Variants in AGBL1 observed in about 807,000 individuals in gnomAD.
AGBL1 encodes AGBL carboxypeptidase 1.
AGBL1 carries 130 observed loss-of-function variants against 118.9 expected under a neutral mutation model. The observed-to-expected ratio is 1.09, with a 90% CI of 0.95 to 1.26. AGBL1 has a LOEUF of 1.26. Among genes scored for constraint, AGBL1 ranks in the 50% most tolerant of loss-of-function variants. The probability of loss-of-function intolerance (pLI) is 0.00; values close to 1 mark genes in which losing one functional copy is unlikely to be tolerated. For missense variants in AGBL1, 1,584 were observed against 1,298.1 expected (o/e 1.22, Z -3.38); for synonymous variants, 555 against 478.9 (o/e 1.16, Z -2.08).
chr15:86,500,986 A>T (rs1356745340), intron 18 of AGBL1, among the ~76,000 whole-genome samples: 2 of 151,718 alleles, frequency 1.3e-5, no homozygotes, highest in Admixed American at 1.3e-4. Context: ...ATGTGGACAT[A>T]TATTTTTAGT....
At chr15:86,326,032 T>A (rs901063401) in intron 17 of AGBL1, among the ~76,000 whole-genome samples, 1 of 152,186 alleles carries the variant, frequency 6.6e-6, no homozygotes, top group Non-Finnish European at 1.5e-5. Context: ...AGACAATAAA[T>A]AACTTTTTTA....
chr15:86,657,668 T>C (rs1208232640), intron 21 of AGBL1, among the ~76,000 whole-genome samples: 2 of 152,192 alleles, frequency 1.3e-5, no homozygotes, highest in African/African-American at 2.4e-5. Context: ...GTGTCCTCTA[T>C]GGATAATCAC....
intron 1 of AGBL1, among the ~76,000 whole-genome samples, chr15:86,123,692 A>G (rs753665020): frequency 2.0e-5 from 3 of 152,162 alleles, no homozygotes; most frequent in Non-Finnish European, 4.4e-5. Flanking sequence ...TCTGGACCAA[A>G]CCAATGTATA....
intron 22 of AGBL1, among the ~76,000 whole-genome samples, chr15:86,761,805 CTT>C (rs940065323): frequency 1.3e-5 from 2 of 151,930 alleles, no homozygotes; most frequent in African/African-American, 4.8e-5. Flanking sequence ...CTGATGATAG[CTT>C]TTTTTGCTGT....
At chr15:86,991,613 A>T (rs564949077) in intron 24 of AGBL1, among the ~76,000 whole-genome samples, 16 of 152,286 alleles carry the variant, frequency 1.1e-4, no homozygotes, top group Admixed American at 8.5e-4. Context: ...CTGAGGGACC[A>T]TGGAGGGCTC....
At chr15:86,677,472 T>G (rs1192258633) in intron 22 of AGBL1, among the ~76,000 whole-genome samples, 2 of 152,184 alleles carry the variant, frequency 1.3e-5, no homozygotes, top group African/African-American at 4.8e-5. Flanking sequence ...CTAAGCTGCT[T>G]CTTCAGGAGG....
At chr15:86,691,403 T>A (rs1204064159) in intron 22 of AGBL1, among the ~76,000 whole-genome samples, 1 of 152,172 alleles carries the variant, frequency 6.6e-6, no homozygotes, top group African/African-American at 2.4e-5. Flanking sequence ...AATTAGTGAA[T>A]CATTTTACAT....
intron 24 of AGBL1, among the ~76,000 whole-genome samples, chr15:86,995,705 G>C (rs1345150282): frequency 6.6e-6 from 1 of 152,184 alleles, no homozygotes; most frequent in East Asian, 1.9e-4. Context: ...GCTACATTAA[G>C]ATTTTAGTTT....
At chr15:86,840,228 A>G (rs891518691) in intron 22 of AGBL1, among the ~76,000 whole-genome samples, 2 of 152,152 alleles carry the variant, frequency 1.3e-5, no homozygotes, top group African/African-American at 4.8e-5. Flanking sequence ...CTCTCTCTTA[A>G]CACTTTAACT....
At chr15:86,216,673 C>A (rs1421643679) in intron 5 of AGBL1, among the ~76,000 whole-genome samples, 1 of 152,140 alleles carries the variant, frequency 6.6e-6, no homozygotes, top group African/African-American at 2.4e-5. Context: ...CTCCACATGG[C>A]TTTCTACTGG....
At chr15:86,748,932 G>A (rs1265799076) in intron 22 of AGBL1, among the ~76,000 whole-genome samples, 2 of 152,224 alleles carry the variant, frequency 1.3e-5, no homozygotes, top group Non-Finnish European at 2.9e-5. Context: ...ATAGTTTGAA[G>A]TCAGGTAGCA....
intron 18 of AGBL1, among the ~76,000 whole-genome samples, chr15:86,493,267 C>G (rs573157630): frequency 6.6e-6 from 1 of 151,974 alleles, no homozygotes; most frequent in African/African-American, 2.4e-5. Context: ...ACACGGTGAT[C>G]ACGTGTTTTA....
At chr15:86,880,997 C>G (rs1454944984) in intron 22 of AGBL1, among the ~76,000 whole-genome samples, 1 of 152,090 alleles carries the variant, frequency 6.6e-6, no homozygotes, top group Non-Finnish European at 1.5e-5. Flanking sequence ...GAGCCTGCCT[C>G]CTGGTAAGTG....
At position 86,381,778 on chromosome 15, in the gene AGBL1, C is replaced by T. The variant is rs546815071; in HGVS notation, c.2375-15588C>T. 7.2e-5 allele frequency among the ~76,000 whole-genome samples: 11 copies of T among 152,188 alleles called. No individual in the cohort carries two copies. In the South Asian group the frequency reaches 2.3e-3, roughly 32 times the overall value. On this transcript the variant is annotated intron_variant, in intron 17 of 22. Transcript: ENST00000614907. The stretch of plus-strand genomic sequence containing the variant: ...CAGAAGGAGGGGCCTGTGCAAAGAT[C>T]AGGAGCAGAACAGAGCATATTGAAC...
rs756603726 is a variant in AGBL1, at chr15:86,987,941, G to C, written c.3222-46G>C. 3.8e-6 allele frequency: 6 copies of C among 1,580,418 alleles called. No homozygotes were observed. The South Asian group carries it at 7.0e-5, about 19-fold the overall frequency. On this transcript the variant is annotated intron_variant, in intron 23 of 24. Transcript: ENST00000441037. ...ATCTATAATAATATGTGACACTATG[G>C]TTTATTTTCACCAATCTGTACCACT... is the stretch of plus-strand genomic sequence containing the variant.
intron 22 of AGBL1, among the ~76,000 whole-genome samples, chr15:86,820,456 C>A (rs370914019): frequency 6.6e-6 from 1 of 151,700 alleles, no homozygotes; most frequent in Non-Finnish European, 1.5e-5. Context: ...GAGAAACAAT[C>A]CCATCAAAAA....
At chr15:86,300,833 T>C (rs548876964) in intron 17 of AGBL1, among the ~76,000 whole-genome samples, 3 of 152,352 alleles carry the variant, frequency 2.0e-5, no homozygotes, top group Non-Finnish European at 4.4e-5. Context: ...CCTGCCATTA[T>C]GCTAAAAGCT....
At chr15:86,192,042 A>C (rs2077731023) in intron 5 of AGBL1, among the ~76,000 whole-genome samples, 1 of 151,764 alleles carries the variant, frequency 6.6e-6, no homozygotes, top group African/African-American at 2.4e-5. Flanking sequence ...TCCAGGCTCC[A>C]GGGAGTTGAT....
intron 22 of AGBL1, among the ~76,000 whole-genome samples, chr15:86,716,096 T>A (rs187627983): frequency 9.9e-5 from 15 of 152,224 alleles, no homozygotes; most frequent in African/African-American, 3.6e-4. Flanking sequence ...ATCAGTTATT[T>A]TCGCTATTGC....
Sources: gnomAD v4.1 joint callset for allele counts (sites outside exome capture counted in the v4.1 genomes callset) on GRCh38, gnomAD v4.1.1 for gene constraint, MANE v1.5 for transcripts, NCBI Gene and HGNC (gene_info 2026-07-23, HGNC 2026-07-21) for gene names.